The following ARHGAP24 variants were observed in gnomAD, a reference collection of about 807,000 sequenced individuals.
ARHGAP24 encodes the protein rho GTPase-activating protein 24.
In ARHGAP24, 50 loss-of-function variants were observed where a neutral mutation model predicts 76.4. The ratio of observed to expected loss-of-function variants is 0.65; its 90% CI spans 0.52 to 0.83. The LOEUF is 0.83. ARHGAP24 is among the 40% of genes least tolerant of loss of function. The pLI, the probability that ARHGAP24 is intolerant of heterozygous loss-of-function variation, is 0.00. For synonymous variants in ARHGAP24, 345 were observed against 323.3 expected, an observed-to-expected ratio of 1.07 and a Z score of -0.72; for missense variants, 930 against 914.2, an observed-to-expected ratio of 1.02 and a Z score of -0.22.
chr4:85,928,824 C>A (rs1287826899), intron 4 of ARHGAP24, among the ~76,000 whole-genome samples: 4 of 152,090 alleles, frequency 2.6e-5, no homozygotes, highest in African/African-American at 9.7e-5. Flanking sequence ...TCAGGTCTTT[C>A]CTGTATATTT....
chr4:85,551,216 T>G (rs1417732905), intron 1 of ARHGAP24, among the ~76,000 whole-genome samples: 4 of 152,230 alleles, frequency 2.6e-5, no homozygotes, highest in Non-Finnish European at 5.9e-5. Flanking sequence ...AATGCCTAGT[T>G]TGTTGAGGGT....
At chr4:85,745,260 G>A (rs1314134266) in intron 3 of ARHGAP24, among the ~76,000 whole-genome samples, 1 of 144,138 alleles carries the variant, frequency 6.9e-6, no homozygotes, top group Non-Finnish European at 1.6e-5. Flanking sequence ...GCAAGATGGC[G>A]AGAGACCCCA....
intron 8 of ARHGAP24, among the ~76,000 whole-genome samples, chr4:85,979,264 G>A (rs112704894): frequency 6.6e-6 from 1 of 151,996 alleles, no homozygotes; most frequent in Admixed American, 6.6e-5. Context: ...CTATTAATTC[G>A]CTGGAAGCTG....
At chr4:85,475,910 C>T (rs1053158976) in intron 1 of ARHGAP24, among the ~76,000 whole-genome samples, 3 of 151,800 alleles carry the variant, frequency 2.0e-5, no homozygotes, top group Admixed American at 1.3e-4. Context: ...CTCTTGGTAT[C>T]CATCCTCCCC....
At chr4:85,516,685 A>T (rs951656029) in intron 1 of ARHGAP24, among the ~76,000 whole-genome samples, 4 of 34,550 alleles carry the variant, frequency 1.2e-4, no homozygotes. Flanking sequence ...TTAAAGTTTT[A>T]AAGATTTAGT....
chr4:85,515,898 A>G (rs1207232929), intron 1 of ARHGAP24, among the ~76,000 whole-genome samples: 1 of 152,178 alleles, frequency 6.6e-6, no homozygotes, highest in Non-Finnish European at 1.5e-5. Flanking sequence ...TTCCCCATCA[A>G]TACGTAACAG....
chr4:85,592,495 T>A lies in ARHGAP24; in HGVS notation c.180+21774T>A, dbSNP rs550599002. The stretch of plus-strand genomic sequence containing the variant: ...CTTTGTGTTACAAACAATCTAATTA[T>A]ACTCTTTTAGTTATTTTAAAATTTA... On this transcript the variant is annotated intron_variant, in intron 2 of 9. Transcript: ENST00000395184. Among the ~76,000 whole-genome samples, 10 of 152,344 alleles carry A rather than the reference T, an allele frequency of 6.6e-5. No homozygotes were observed. In the South Asian group the frequency reaches 2.1e-3, roughly 32 times the overall value.
chr4:85,902,753 G>A (rs776530192), intron 3 of ARHGAP24, among the ~76,000 whole-genome samples: 4 of 152,146 alleles, frequency 2.6e-5, no homozygotes, highest in East Asian at 1.9e-4. Flanking sequence ...ACAGGTGCCC[G>A]CCACTGCGCT....
At chr4:85,899,007 G>T (rs1331811609) in intron 3 of ARHGAP24, among the ~76,000 whole-genome samples, 1 of 152,144 alleles carries the variant, frequency 6.6e-6, no homozygotes, top group African/African-American at 2.4e-5. Context: ...GCCTGCCAAA[G>T]TGCTGGGATT....
intron 1 of ARHGAP24, among the ~76,000 whole-genome samples, chr4:85,540,254 CAAAT>C (rs1290902223): frequency 2.6e-5 from 4 of 151,656 alleles, no homozygotes; most frequent in Admixed American, 6.6e-5. Flanking sequence ...TAAATAAACA[CAAAT>C]AAAATTTTTA....
At chr4:85,561,780 C>T (rs1013350765) in intron 1 of ARHGAP24, among the ~76,000 whole-genome samples, 1 of 152,142 alleles carries the variant, frequency 6.6e-6, no homozygotes, top group African/African-American at 2.4e-5. Flanking sequence ...TCTCTGCTAC[C>T]TCTGCTCAAT....
chr4:85,590,638 G>A (rs1179325779), intron 2 of ARHGAP24, among the ~76,000 whole-genome samples: 1 of 152,082 alleles, frequency 6.6e-6, no homozygotes, highest in Non-Finnish European at 1.5e-5. Context: ...GGGATTGCAG[G>A]TGTGAGCCAC....
At chr4:85,759,934 C>T (rs933923356) in intron 3 of ARHGAP24, among the ~76,000 whole-genome samples, 5 of 151,956 alleles carry the variant, frequency 3.3e-5, no homozygotes, top group African/African-American at 1.2e-4. Context: ...GAGATGGAGA[C>T]AAGAGGACTT....
chr4:85,578,005 A>AT (rs936824441), intron 2 of ARHGAP24, among the ~76,000 whole-genome samples: 3 of 152,164 alleles, frequency 2.0e-5, no homozygotes, highest in Non-Finnish European at 4.4e-5. Context: ...AATATCTTAG[A>AT]TTTTATCTTG....
chr4:85,907,018 C>A (rs1734806113), intron 3 of ARHGAP24, among the ~76,000 whole-genome samples: 1 of 152,108 alleles, frequency 6.6e-6, no homozygotes, highest in Admixed American at 6.5e-5. Context: ...TTAATTGATT[C>A]TTTTCATCTT....
intron 1 of ARHGAP24, among the ~76,000 whole-genome samples, chr4:85,509,367 G>T (rs1315369055): frequency 6.6e-6 from 1 of 151,808 alleles, no homozygotes; most frequent in Admixed American, 6.6e-5. Context: ...CTAATTTCTA[G>T]TATTTTATGC....
chr4:85,549,051 C>A (rs1260466626), intron 1 of ARHGAP24, among the ~76,000 whole-genome samples: 1 of 151,672 alleles, frequency 6.6e-6, no homozygotes, highest in Non-Finnish European at 1.5e-5. Context: ...TTTATCTGTT[C>A]CCTCTTGATG....
intron 2 of ARHGAP24, among the ~76,000 whole-genome samples, chr4:85,676,275 T>C (rs1266666246): frequency 1.3e-5 from 2 of 152,210 alleles, no homozygotes; most frequent in East Asian, 1.9e-4. Flanking sequence ...AAGCTTTTAA[T>C]GAGCAGTCCT....
intron 3 of ARHGAP24, among the ~76,000 whole-genome samples, chr4:85,725,252 G>C (rs1464628247): frequency 1.3e-5 from 2 of 152,148 alleles, no homozygotes; most frequent in African/African-American, 4.8e-5. Context: ...GCTTTTTACT[G>C]TATACCTAAC....
Sources: allele counts gnomAD v4.1 joint callset (sites outside exome capture counted in the v4.1 genomes callset), GRCh38; gene constraint gnomAD v4.1.1; transcripts MANE v1.5; gene names NCBI Gene and HGNC (gene_info 2026-07-23, HGNC 2026-07-21).